The following PMEPA1 variants were observed in gnomAD, a reference collection of about 807,000 sequenced individuals.
The protein encoded by PMEPA1 is protein TMEPAI.
Under a neutral mutation model 23.0 loss-of-function variants are expected in PMEPA1, and 11 were observed. The observed-to-expected ratio is 0.48, with a 90% CI of 0.30 to 0.79. The LOEUF is 0.79. Among genes scored for constraint, PMEPA1 ranks in the 30% least tolerant of loss-of-function variants. PMEPA1 has a pLI of 0.06. For missense variants in PMEPA1, 377 were observed against 390.9 expected, an observed-to-expected ratio of 0.96 and a Z score of 0.30; for synonymous variants, 204 against 166.4, an observed-to-expected ratio of 1.23 and a Z score of -1.74.
At chr20:57,654,864 G>A (rs1252923943) in intron 2 of PMEPA1, among the ~76,000 whole-genome samples, 2 of 152,066 alleles carry the variant, frequency 1.3e-5, no homozygotes, top group Non-Finnish European at 2.9e-5. Flanking sequence ...TCCTTGAGGG[G>A]TCTCCCAGGG....
intron 2 of PMEPA1, 125 bp from the exon 3 acceptor site, chr20:57,653,211 G>T: frequency 1.3e-6 from 1 of 793,672 alleles, no homozygotes; most frequent in Non-Finnish European, 2.1e-6. Context: ...CCACCTCTCT[G>T]CATCGGAACC....
intron 1 of PMEPA1, among the ~76,000 whole-genome samples, chr20:57,708,989 G>C (rs1182171229): frequency 6.6e-6 from 1 of 151,746 alleles, no homozygotes. Context: ...CAGACGCACG[G>C]ACATCCACTC....
intron 1 of PMEPA1, among the ~76,000 whole-genome samples, chr20:57,660,058 C>T (rs1044325807): frequency 1.2e-4 from 19 of 152,280 alleles, no homozygotes; most frequent in Admixed American, 6.5e-5. Flanking sequence ...AGATGCACAG[C>T]GTGAGCTGAC....
In PMEPA1 at chr20:57,652,052, C is replaced by T; in HGVS notation, c.*1G>A. ...GCCCCAGCCCGGCCCCCCTGGGGAC[C>T]CTAGAGAGGGTGTCCTTTCTGTTTA... is the stretch of plus-strand genomic sequence containing the variant. On this transcript the variant is annotated 3_prime_UTR_variant, in exon 4 of 4. Coordinates refer to ENST00000341744, the MANE Select transcript of PMEPA1 (RefSeq NM_020182.5). This position sits in a 1 kb window ranked among gnomAD's most constrained non-coding sequence, Gnocchi z 6.1. The T allele has an allele frequency of 6.7e-7, 1 of 1,482,018 alleles. No homozygotes were observed. The highest frequency in any genetic ancestry group is 9.0e-7 in the Non-Finnish European group (1 of 1,111,052). The allele number at this position is 1,482,018 out of a possible 1,614,324, so 91.8% of individuals were successfully genotyped here.
Position 57,688,855 on chromosome 20 carries a change from G to A in PMEPA1, c.109+20619C>T, listed in dbSNP as rs559819808. Among the ~76,000 whole-genome samples, 6 of 152,260 alleles carry A rather than the reference G, an allele frequency of 3.9e-5. No homozygotes were observed. The South Asian group carries it at 8.3e-4, about 21-fold the overall frequency. On this transcript the variant is annotated intron_variant, in intron 1 of 3. Transcript: ENST00000341744. ...ACAAGGTGGCTTCGGGGATGTTCCC[G>A]CCTGTCCTCCCCTTTACGAGGCACC...
intron 1 of PMEPA1, among the ~76,000 whole-genome samples, chr20:57,690,237 A>G (rs915763796): frequency 5.3e-5 from 8 of 152,150 alleles, no homozygotes; most frequent in African/African-American, 1.9e-4. Context: ...CTCTGACCTC[A>G]CCTCTTAGCG....
intron 1 of PMEPA1, among the ~76,000 whole-genome samples, chr20:57,668,226 G>C (rs991769877): frequency 1.3e-5 from 2 of 152,182 alleles, no homozygotes; most frequent in Admixed American, 6.5e-5. Context: ...GCCCACATCA[G>C]GGCCTGCGCT....
chr20:57,664,142 C>T (rs879259487), intron 1 of PMEPA1, among the ~76,000 whole-genome samples: 3 of 152,180 alleles, frequency 2.0e-5, no homozygotes, highest in Non-Finnish European at 4.4e-5. Context: ...GCGCACCGAC[C>T]GTCCCTGGCC....
At chr20:57,698,308 C>CG (rs1568684730) in intron 1 of PMEPA1, among the ~76,000 whole-genome samples, 1 of 152,188 alleles carries the variant, frequency 6.6e-6, no homozygotes, top group East Asian at 1.9e-4. Flanking sequence ...TCAATACACC[C>CG]GCCTCTTTTT....
Position 57,652,953 on chromosome 20 carries a change from A to T in PMEPA1, c.318+80T>A. ...GAGGGCGGAGGGGTGAGCCTTTAGC[A>T]GCCCACACTGTTCCAGCCGCAGCGG... On this transcript the variant is annotated intron_variant, in intron 3 of 3. Coordinates refer to ENST00000341744, the MANE Select transcript of PMEPA1 (RefSeq NM_020182.5). This position sits in a 1 kb window ranked among gnomAD's most constrained non-coding sequence, Gnocchi z 6.1. 1 of 1,201,334 alleles carries T rather than the reference A, an allele frequency of 8.3e-7. No individual in the cohort carries two copies. Among genetic ancestry groups the T allele is most frequent in the South Asian group, 1.3e-5 (1 of 77,612 alleles). The allele number at this position is 1,201,334 out of a possible 1,614,324, so 74.4% of individuals were successfully genotyped here.
At chr20:57,679,547 A>C (rs752586306) in intron 1 of PMEPA1, among the ~76,000 whole-genome samples, 1 of 152,242 alleles carries the variant, frequency 6.6e-6, no homozygotes, top group Non-Finnish European at 1.5e-5. Flanking sequence ...GACATCGTTC[A>C]GTGGCGGGTT....
At chr20:57,673,072 G>A (rs2071590858) in intron 1 of PMEPA1, among the ~76,000 whole-genome samples, 2 of 152,120 alleles carry the variant, frequency 1.3e-5, no homozygotes, top group East Asian at 1.9e-4. Flanking sequence ...CCAACATGCC[G>A]GTTCTCCTGG....
At chr20:57,653,477 C>T (rs538147918) in intron 2 of PMEPA1, among the ~76,000 whole-genome samples, 14 of 152,358 alleles carry the variant, frequency 9.2e-5, no homozygotes, top group African/African-American at 3.4e-4. Context: ...CCCCTGCTGG[C>T]TGTGTGACCT....
At chr20:57,700,633 C>A (rs559145507) in intron 1 of PMEPA1, among the ~76,000 whole-genome samples, 42 of 152,320 alleles carry the variant, frequency 2.8e-4, no homozygotes, top group East Asian at 1.3e-3. Context: ...CCCAGAGCCA[C>A]TGGGGATTTT....
intron 1 of PMEPA1, among the ~76,000 whole-genome samples, chr20:57,680,958 A>T (rs2071704275): frequency 6.6e-6 from 1 of 152,174 alleles, no homozygotes; most frequent in Admixed American, 6.5e-5. Context: ...GAGGCAGGAG[A>T]ATGAAAATCA....
At chr20:57,710,208 AG>A (rs1444212083), upstream of PMEPA1, 1 of 492,604 alleles carries the variant, frequency 2.0e-6, no homozygotes. Context: ...GCAACGGAGG[AG>A]GGGCGCTGTG....
Position 57,683,584 on chromosome 20 carries a change from T to TGTGTGTGTG in PMEPA1, c.110-23888_110-23887insCACACACAC. Among the ~76,000 whole-genome samples, 2 of 152,012 alleles carry TGTGTGTGTG rather than the reference T, an allele frequency of 1.3e-5. No homozygotes were observed. The highest frequency in any genetic ancestry group is 1.9e-4 in the East Asian group (1 of 5,202). The stretch of plus-strand genomic sequence containing the variant: ...GTGTGTGTGTGTGTGTGTGTGTGTG[T>TGTGTGTGTG]TTCTTTTAAAAGTCTCTTCCCCTGA... On this transcript the variant is annotated intron_variant, in intron 1 of 3. Transcript: ENST00000341744. The surrounding 1 kb of genome is among the most constrained non-coding windows in gnomAD (Gnocchi z 4.3).
At chr20:57,671,258 G>C (rs899179739) in intron 1 of PMEPA1, among the ~76,000 whole-genome samples, 1 of 152,200 alleles carries the variant, frequency 6.6e-6, no homozygotes, top group Non-Finnish European at 1.5e-5. Context: ...TGAGCGAGCA[G>C]TCAGTGGACA....
chr20:57,710,043 C>T (rs1568692741), upstream of PMEPA1: 1 of 1,000,580 alleles, frequency 1.0e-6, no homozygotes, highest in Non-Finnish European at 1.2e-6. Context: ...CTGCCGGTTC[C>T]CACCGCGCGG....
Sources: allele counts gnomAD v4.1 joint callset (sites outside exome capture counted in the v4.1 genomes callset), GRCh38; gene constraint gnomAD v4.1.1; non-coding constraint Gnocchi (gnomAD v3.1); transcripts MANE v1.5; gene names NCBI Gene and HGNC (gene_info 2026-07-23, HGNC 2026-07-21).